Variants in RNMT observed in about 807,000 individuals in gnomAD.
The protein encoded by RNMT is RNA guanine-7 methyltransferase, also known as mRNA cap guanine-N(7) methyltransferase.
In RNMT, 27 loss-of-function variants were observed where a neutral mutation model predicts 56.0. The observed-to-expected ratio is 0.48, with a 90% CI of 0.36 to 0.67. RNMT has a LOEUF of 0.67. Ranked by LOEUF, RNMT falls within the 30% of genes least tolerant of loss-of-function variation. RNMT has a pLI of 0.00. For missense variants in RNMT, 519 were observed against 552.1 expected, an observed-to-expected ratio of 0.94 and a Z score of 0.60; for synonymous variants, 184 against 176.2, an observed-to-expected ratio of 1.04 and a Z score of -0.35.
chr18:13,740,908 T>C (rs1227077759), intron 6 of RNMT, among the ~76,000 whole-genome samples: 2 of 152,224 alleles, frequency 1.3e-5, no homozygotes, highest in African/African-American at 2.4e-5. Context: ...CCTTGTAATT[T>C]ATTAGTTTCC....
chr18:13,753,963 G>C (rs2044500252), intron 10 of RNMT, 151 bp from the exon 11 acceptor site: 1 of 560,768 alleles, frequency 1.8e-6, no homozygotes, highest in African/African-American at 1.9e-5. Context: ...TCTTTTATAT[G>C]CTCAGGTCAC....
At chr18:13,729,617 C>T (rs1034862566) in intron 1 of RNMT, among the ~76,000 whole-genome samples, 3 of 152,136 alleles carry the variant, frequency 2.0e-5, no homozygotes, top group African/African-American at 7.2e-5. Flanking sequence ...TTTGGTACTT[C>T]TTGGTATTTT....
At chr18:13,728,536 A>G (rs552526746) in intron 1 of RNMT, among the ~76,000 whole-genome samples, 4 of 151,836 alleles carry the variant, frequency 2.6e-5, no homozygotes, top group East Asian at 1.9e-4. Flanking sequence ...GGGTTTCACT[A>G]TGTTGGCCAG....
chr18:13,728,584 C>A (rs1192552983), intron 1 of RNMT, among the ~76,000 whole-genome samples: 1 of 151,984 alleles, frequency 6.6e-6, no homozygotes, highest in Non-Finnish European at 1.5e-5. Flanking sequence ...GATCTGCCCA[C>A]CTCCACCTCC....
intron 1 of RNMT, among the ~76,000 whole-genome samples, chr18:13,729,759 AT>A (rs773969098): frequency 1.3e-5 from 2 of 150,426 alleles, no homozygotes; most frequent in Non-Finnish European, 3.0e-5. Flanking sequence ...AAGGCTTTTT[AT>A]TTATTTACTT....
intron 5 of RNMT, among the ~76,000 whole-genome samples, chr18:13,738,745 C>G (rs544938302): frequency 2.0e-5 from 3 of 152,202 alleles, no homozygotes; most frequent in Non-Finnish European, 4.4e-5. Flanking sequence ...GTGATCAATA[C>G]GAGTTTTTCA....
At chr18:13,734,701 A>AT in intron 4 of RNMT, 102 bp downstream of exon 4, 4 of 938,838 alleles carry the variant, frequency 4.3e-6, no homozygotes, top group Non-Finnish European at 6.2e-6. Flanking sequence ...TTGAAGACAA[A>AT]TTCTTCTAAT....
rs976065448 is a variant in RNMT, at chr18:13,760,916, C to T, written c.*937C>T. ...CCGTAGGAGCCATTGTTAAAGTTGT[C>T]ACTTGTGTAACTGACTGCTTTTCCA... On this transcript the variant is annotated 3_prime_UTR_variant, in exon 12 of 12. Coordinates refer to ENST00000383314, the MANE Select transcript of RNMT (RefSeq NM_003799.3). 1.0e-6 allele frequency: 1 copy of T among 985,308 alleles called. No homozygotes were observed. The highest frequency in any genetic ancestry group is 1.2e-6 in the Non-Finnish European group (1 of 829,928). The allele number at this position is 985,308 out of a possible 1,614,324, so 61.0% of individuals were successfully genotyped here. A position where few individuals can be genotyped will look rare whatever the true frequency, so the allele number is the denominator to read the frequency against.
chr18:13,761,426 A>G lies in RNMT; in HGVS notation c.*1447A>G. ...TGCAGGTTCGTTTTCATTCTAGGGC[A>G]GTGCCAGGAAGTATATTGATAGCTT... On this transcript the variant is annotated 3_prime_UTR_variant, in exon 12 of 12. Transcript: ENST00000383314. The G allele has an allele frequency of 1.0e-6, 1 of 985,638 alleles. No homozygotes were observed. The highest frequency in any genetic ancestry group is 1.2e-6 in the Non-Finnish European group (1 of 830,062). 61.1% of individuals were successfully genotyped at this position (985,638 alleles called of 1,614,324 possible).
chr18:13,754,511 A>G (rs76914042), intron 11 of RNMT, among the ~76,000 whole-genome samples: 1 of 152,186 alleles, frequency 6.6e-6, no homozygotes, highest in Non-Finnish European at 1.5e-5. Flanking sequence ...TCAAAAAAAA[A>G]TCTGAAAACT....
In RNMT at chr18:13,760,072, A is replaced by G; in HGVS notation, c.*93A>G. The G allele has an allele frequency of 6.5e-7, 1 of 1,531,816 alleles. No homozygotes were observed. The highest frequency in any genetic ancestry group is 1.3e-5 in the South Asian group (1 of 77,510). 94.9% of individuals were successfully genotyped at this position (1,531,816 alleles called of 1,614,324 possible). Reference sequence around the variant, plus strand: ...ATATTTGATATTTCTCTGTCTGTTGATTTTAATTCTAAATGTGCAGGATGC... The same window carrying G: ...ATATTTGATATTTCTCTGTCTGTTGGTTTTAATTCTAAATGTGCAGGATGC... On this transcript the variant is annotated 3_prime_UTR_variant, in exon 12 of 12. Coordinates refer to ENST00000383314, the MANE Select transcript of RNMT (RefSeq NM_003799.3).
chr18:13,742,829 C>G, intron 8 of RNMT, 177 bp downstream of exon 8: 1 of 499,064 alleles, frequency 2.0e-6, no homozygotes, highest in Admixed American at 4.1e-5. Flanking sequence ...AGCTTCACAT[C>G]TAGGGGATTA....
At position 13,752,416 on chromosome 18, in the gene RNMT, A is replaced by T. The variant is rs199988857; in HGVS notation, c.1348A>T (p.Arg450Trp). Residue 450 changes from arginine to tryptophan, a missense_variant, in exon 10 of 12, where the codon AGG becomes TGG. Transcript: ENST00000383314. ...AAAGTACATGAAGAACAGTCAAGTA[A>T]GGTTACCTTTGGTAAGTTTTAATTT... ...AAKYMKNSQV[R>W]LPLGTLSKSE... 44 of 1,601,780 alleles carry T rather than the reference A, an allele frequency of 2.7e-5. No individual in the cohort carries two copies. In the East Asian group the frequency reaches 9.2e-4, roughly 33 times the overall value.
At position 13,761,913 on chromosome 18, in the gene RNMT, A is replaced by G; in HGVS notation, c.*1934A>G. On this transcript the variant is annotated 3_prime_UTR_variant, in exon 12 of 12. Coordinates refer to ENST00000383314, the MANE Select transcript of RNMT (RefSeq NM_003799.3). ...TTAAGTTTCTGGATATTGACTTAAG[A>G]ACTGTTAGGAAGAGGACTAGAAAAG... 1 of 1,331,686 alleles carries G rather than the reference A, an allele frequency of 7.5e-7. No homozygotes were observed. The highest frequency in any genetic ancestry group is 3.0e-5 in the Admixed American group (1 of 33,622). The allele number at this position is 1,331,686 out of a possible 1,614,324, so 82.5% of individuals were successfully genotyped here. A position where few individuals can be genotyped will look rare whatever the true frequency, so the allele number is the denominator to read the frequency against.
At chr18:13,746,709 T>A (rs1179615688) in intron 9 of RNMT, among the ~76,000 whole-genome samples, 1 of 152,212 alleles carries the variant, frequency 6.6e-6, no homozygotes. Context: ...TGTCCCCAGT[T>A]ACGATAACCA....
intron 9 of RNMT, among the ~76,000 whole-genome samples, chr18:13,751,862 A>G (rs952127131): frequency 6.6e-6 from 1 of 152,072 alleles, no homozygotes; most frequent in African/African-American, 2.4e-5. Flanking sequence ...GCAAACTAAC[A>G]CAAGGACAGA....
At position 13,763,049 on chromosome 18, in the gene RNMT, C is replaced by T; in HGVS notation, c.*3070C>T. 1 of 455,882 alleles carries T rather than the reference C, an allele frequency of 2.2e-6. No individual in the cohort carries two copies. Among genetic ancestry groups the T allele is most frequent in the Non-Finnish European group, 4.4e-6 (1 of 226,744 alleles). 28.2% of individuals were successfully genotyped at this position (455,882 alleles called of 1,614,324 possible). The stretch of plus-strand genomic sequence containing the variant: ...TCTCTAGGGTCTGCAAAATAGAGGC[C>T]AAATCCAGGGACCAGGCCCTAATAA... On this transcript the variant is annotated 3_prime_UTR_variant, in exon 12 of 12. Transcript: ENST00000383314.
Position 13,760,680 on chromosome 18 carries a change from T to G in RNMT, c.*701T>G. The G allele has an allele frequency of 1.0e-6, 1 of 985,318 alleles. No individual in the cohort carries two copies. Among genetic ancestry groups the G allele is most frequent in the Non-Finnish European group, 1.2e-6 (1 of 829,794 alleles). The allele number at this position is 985,318 out of a possible 1,614,324, so 61.0% of individuals were successfully genotyped here. On this transcript the variant is annotated 3_prime_UTR_variant, in exon 12 of 12. Transcript: ENST00000383314. ...ATGTTTCCAGTTATCAAGATTGTGA[T>G]TAGACACATTTACCTTTCTTCATTG...
At chr18:13,747,422 G>A (rs1245145651) in intron 9 of RNMT, among the ~76,000 whole-genome samples, 1 of 152,026 alleles carries the variant, frequency 6.6e-6, no homozygotes, top group Non-Finnish European at 1.5e-5. Context: ...TTGCTGTGTT[G>A]CGCAGGCTGG....
Sources: allele counts gnomAD v4.1 joint callset (sites outside exome capture counted in the v4.1 genomes callset), GRCh38; gene constraint gnomAD v4.1.1; transcripts MANE v1.5; gene names NCBI Gene and HGNC (gene_info 2026-07-23, HGNC 2026-07-21).